The following TMEM263 variants were observed in gnomAD, a reference collection of about 807,000 sequenced individuals.
TMEM263 encodes transmembrane protein 263.
A neutral mutation model predicts 8.6 loss-of-function variants in TMEM263; 5 were observed. The ratio of observed to expected loss-of-function variants is 0.58; its 90% CI spans 0.31 to 1.23. The LOEUF is 1.23. Among genes scored for constraint, TMEM263 ranks in the 50% most tolerant of loss-of-function variants. The pLI is 0.07. For missense variants in TMEM263, 104 were observed against 138.8 expected (o/e 0.75, Z 1.26); for synonymous variants, 50 against 47.9 (o/e 1.04, Z -0.18).
chr12:106,966,046 G>A (rs764076852), intron 2 of TMEM263, among the ~76,000 whole-genome samples: 46 of 152,116 alleles, frequency 3.0e-4, no homozygotes, highest in Non-Finnish European at 5.1e-4. Context: ...GGGTAAAATC[G>A]TGTGTTGTGG....
intron 2 of TMEM263, among the ~76,000 whole-genome samples, chr12:106,964,355 A>C (rs978476618): frequency 2.0e-5 from 3 of 152,236 alleles, no homozygotes; most frequent in Non-Finnish European, 4.4e-5. Flanking sequence ...GCTGAGATTC[A>C]AACTCAGGCA....
Position 106,971,416 on chromosome 12 carries a change from A to G in TMEM263, c.*25A>G. ...AAATATAGAGATACACTTGCGCTCCACAGCACTGTAATGCCAGTGGCATTG... is the reference window on the plus strand; with the variant it reads ...AAATATAGAGATACACTTGCGCTCCGCAGCACTGTAATGCCAGTGGCATTG... On this transcript the variant is annotated 3_prime_UTR_variant, in exon 4 of 4. Transcript: ENST00000280756. 6.4e-7 allele frequency: 1 copy of G among 1,562,090 alleles called. No individual in the cohort carries two copies. Among genetic ancestry groups the G allele is most frequent in the Non-Finnish European group, 8.7e-7 (1 of 1,153,290 alleles).
intron 2 of TMEM263, among the ~76,000 whole-genome samples, chr12:106,958,323 T>C (rs1951727589): frequency 6.6e-6 from 1 of 152,212 alleles, no homozygotes; most frequent in African/African-American, 2.4e-5. Context: ...AATAAAAATT[T>C]TATATATGAA....
In TMEM263 at chr12:106,972,353, G is replaced by C. The variant is rs999503337; in HGVS notation, c.*962G>C. ...ACCTAAAACACCCCAAATATAAAAAGAAGCCTTCACACCTATTCTGTCTTT... is the reference window on the plus strand; with the variant it reads ...ACCTAAAACACCCCAAATATAAAAACAAGCCTTCACACCTATTCTGTCTTT... On this transcript the variant is annotated 3_prime_UTR_variant, in exon 4 of 4. Coordinates refer to ENST00000280756, the MANE Select transcript of TMEM263 (RefSeq NM_152261.4). 12 of 152,012 alleles carry C rather than the reference G, an allele frequency of 7.9e-5. No homozygotes were observed. The highest frequency in any genetic ancestry group is 2.9e-4 in the African/African-American group (12 of 41,414). 9.4% of individuals were successfully genotyped at this position (152,012 alleles called of 1,614,324 possible). A position where few individuals can be genotyped will look rare whatever the true frequency, so the allele number is the denominator to read the frequency against.
chr12:106,966,876 C>T (rs1951854309), intron 2 of TMEM263: 3 of 409,410 alleles, frequency 7.3e-6, no homozygotes, highest in Non-Finnish European at 8.6e-6. Flanking sequence ...CTATGACTGC[C>T]ACTCTTTGGT....
chr12:106,968,827 T>C (rs1566225811), intron 3 of TMEM263, among the ~76,000 whole-genome samples: 1 of 152,236 alleles, frequency 6.6e-6, no homozygotes, highest in East Asian at 1.9e-4. Flanking sequence ...ATGAGGCAGT[T>C]ATCTGTTGTA....
intron 2 of TMEM263, among the ~76,000 whole-genome samples, chr12:106,965,433 C>A (rs952064241): frequency 6.6e-6 from 1 of 151,960 alleles, no homozygotes; most frequent in African/African-American, 2.4e-5. Context: ...ATGGTGAAAC[C>A]CCATCTCTAC....
chr12:106,958,865 C>T (rs574490506), intron 2 of TMEM263, among the ~76,000 whole-genome samples: 1 of 152,330 alleles, frequency 6.6e-6, no homozygotes, highest in South Asian at 2.1e-4. Flanking sequence ...CCTGCCTCGA[C>T]CTTTCAAAGT....
At chr12:106,962,488 C>T (rs1262584730) in intron 2 of TMEM263, among the ~76,000 whole-genome samples, 1 of 152,172 alleles carries the variant, frequency 6.6e-6, no homozygotes, top group Non-Finnish European at 1.5e-5. Context: ...TTTTTGCTGG[C>T]TTCTCTTTTG....
At chr12:106,966,991 A>G in intron 2 of TMEM263, 120 bp from the exon 3 acceptor site, 2 of 658,734 alleles carry the variant, frequency 3.0e-6, no homozygotes, top group Admixed American at 3.1e-5. Context: ...CTAGTTGTAT[A>G]GTGGGTACAA....
chr12:106,967,706 T>A (rs896314074), intron 3 of TMEM263, among the ~76,000 whole-genome samples: 1 of 152,240 alleles, frequency 6.6e-6, no homozygotes, highest in Non-Finnish European at 1.5e-5. Flanking sequence ...TAAGGCATAA[T>A]ATTTTGCTGT....
intron 2 of TMEM263, among the ~76,000 whole-genome samples, chr12:106,958,755 C>T (rs770235661): frequency 3.3e-5 from 5 of 152,198 alleles, no homozygotes; most frequent in Non-Finnish European, 7.3e-5. Flanking sequence ...GTCATTACTA[C>T]TTTCCTTAGA....
At chr12:106,957,365 AT>A (rs1951713664) in intron 2 of TMEM263, among the ~76,000 whole-genome samples, 1 of 152,168 alleles carries the variant, frequency 6.6e-6, no homozygotes, top group African/African-American at 2.4e-5. Context: ...TTCAGTAAAA[AT>A]TTGTCCATTT....
chr12:106,963,110 C>T (rs1047202144), intron 2 of TMEM263, among the ~76,000 whole-genome samples: 1 of 151,924 alleles, frequency 6.6e-6, no homozygotes, highest in Non-Finnish European at 1.5e-5. Context: ...GAAAAGGCTT[C>T]GAGGAAAGGA....
chr12:106,962,709 A>G (rs1210039143), intron 2 of TMEM263, among the ~76,000 whole-genome samples: 1 of 152,220 alleles, frequency 6.6e-6, no homozygotes, highest in East Asian at 1.9e-4. Context: ...AAGGCATTTC[A>G]AATACAGCTT....
intron 3 of TMEM263, 91 bp downstream of exon 3, chr12:106,967,271 T>C: frequency 2.2e-6 from 2 of 896,662 alleles, no homozygotes; most frequent in African/African-American, 1.7e-5. Context: ...ATTTTATTTT[T>C]TTTTGAGACA....
chr12:106,960,566 C>T (rs1335207078), intron 2 of TMEM263, among the ~76,000 whole-genome samples: 1 of 152,014 alleles, frequency 6.6e-6, no homozygotes, highest in Non-Finnish European at 1.5e-5. Flanking sequence ...TTTCACACTC[C>T]TCTACAGAAA....
At chr12:106,968,667 T>C (rs1951876744) in intron 3 of TMEM263, among the ~76,000 whole-genome samples, 1 of 152,206 alleles carries the variant, frequency 6.6e-6, no homozygotes, top group Admixed American at 6.6e-5. Flanking sequence ...AGATAATTTA[T>C]ATGGTGATAA....
rs775474068 is a variant in TMEM263 at position 106,972,584 on chromosome 12, G to GT, written c.*1194dup. The GT allele has an allele frequency of 6.6e-6, 1 of 152,030 alleles. No individual in the cohort carries two copies. Among genetic ancestry groups the GT allele is most frequent in the Non-Finnish European group, 1.5e-5 (1 of 67,956 alleles). 9.4% of individuals were successfully genotyped at this position (152,030 alleles called of 1,614,324 possible). On this transcript the variant is annotated 3_prime_UTR_variant, in exon 4 of 4. Coordinates refer to ENST00000280756, the MANE Select transcript of TMEM263 (RefSeq NM_152261.4). ...GTCCTTTAAAGCAGCCATAGAGTTT[G>GT]TATCATTTTTCAAGCCAATTTCAGT... is the stretch of plus-strand genomic sequence containing the variant.
Sources: gnomAD v4.1 joint callset for allele counts (sites outside exome capture counted in the v4.1 genomes callset) on GRCh38, gnomAD v4.1.1 for gene constraint, MANE v1.5 for transcripts, NCBI Gene and HGNC (gene_info 2026-07-23, HGNC 2026-07-21) for gene names.